The following ABCA7 variants were observed in gnomAD, a reference collection of about 807,000 sequenced individuals.
ABCA7 encodes phospholipid-transporting ATPase ABCA7.
A neutral mutation model predicts 227.6 loss-of-function variants in ABCA7; 261 were observed. That is an observed-to-expected ratio of 1.15 (90% CI 1.04 to 1.27). ABCA7 has a LOEUF of 1.27. Among genes scored for constraint, ABCA7 ranks in the 50% most tolerant of loss-of-function variants. The probability of loss-of-function intolerance (pLI) is 0.00; values close to 1 mark genes in which losing one functional copy is unlikely to be tolerated. For missense variants in ABCA7, 3,331 were observed against 2,924.5 expected, an observed-to-expected ratio of 1.14 and a Z score of -3.21; for synonymous variants, 1,488 against 1,279.7, an observed-to-expected ratio of 1.16 and a Z score of -3.47.
chr19:1,065,275 C>T lies in ABCA7; in HGVS notation c.6291C>T (p.Phe2097=), dbSNP rs1362097116. ...SVSQTMLEEV[F]LYFSKDQGKD... ...TCTGGGCTGCCCACCGCTAGGTATTCTTGTACTTCTCCAAGGACCAGGGGA... is the reference window on the plus strand; with the variant it reads ...TCTGGGCTGCCCACCGCTAGGTATTTTTGTACTTCTCCAAGGACCAGGGGA... The change falls in exon 47 of 47, where the codon TTC becomes TTT. Residue 2097 remains phenylalanine, a synonymous_variant. Coordinates refer to ENST00000263094, the MANE Select transcript of ABCA7 (RefSeq NM_019112.4). 6.2e-7 allele frequency: 1 copy of T among 1,613,090 alleles called. No individual in the cohort carries two copies.
Position 1,056,293 on chromosome 19 carries a change from C to T in ABCA7, c.4417-37C>T. 1 of 1,605,432 alleles carries T rather than the reference C, an allele frequency of 6.2e-7. No homozygotes were observed. Among genetic ancestry groups the T allele is most frequent in the African/African-American group, 1.3e-5 (1 of 74,916 alleles). On this transcript the variant is annotated intron_variant, in intron 32 of 46. Coordinates refer to ENST00000263094, the MANE Select transcript of ABCA7 (RefSeq NM_019112.4). This position sits in a 1 kb window ranked among gnomAD's most constrained non-coding sequence, Gnocchi z 4.3. The stretch of plus-strand genomic sequence containing the variant: ...CGTCCTGTCACAGCAAGGTCCAACC[C>T]CATTGCTCTGACCCTATGACCTTGA...
Position 1,056,120 on chromosome 19 carries a change from G to A in ABCA7, c.4293G>A (p.Glu1431=). 1 of 1,609,504 alleles carries A rather than the reference G, an allele frequency of 6.2e-7. No individual in the cohort carries two copies. ...ACCCAGGCCTGCCCTCGGGCCAAGA[G>A]TTGGGCCGCTCAGTGGAGGAGTTGT... ...GRDPGLPSGQ[E]LGRSVEELWA... Residue 1431 remains glutamate, a synonymous_variant, in exon 32 of 47, where the codon GAG becomes GAA. Coordinates refer to ENST00000263094, the MANE Select transcript of ABCA7 (RefSeq NM_019112.4). The surrounding 1 kb of genome is among the most constrained non-coding windows in gnomAD (Gnocchi z 4.3).
At chr19:1,040,841 G>A (rs1329243720) in intron 1 of ABCA7, among the ~76,000 whole-genome samples, 1 of 152,150 alleles carries the variant, frequency 6.6e-6, no homozygotes, top group Non-Finnish European at 1.5e-5. Flanking sequence ...TGTAGAGTGG[G>A]GTGATAGTCC....
rs1352617999 is a variant in ABCA7, at chr19:1,047,346, G to T, written c.2035G>T (p.Asp679Tyr). ...CTACGTGCTGTGTGTGGCTTGGCGG[G>T]ACCGGCTGCCCGCGGGTGGCCGCGT... Reference protein sequence around the residue: ...LPYVLCVAWRDRLPAGGRVAA... With the variant: ...LPYVLCVAWRYRLPAGGRVAA... The change falls in exon 15 of 47, where the codon GAC (aspartate) becomes TAC (tyrosine). Residue 679 changes from aspartate to tyrosine, a missense_variant. Asp to Tyr is a radical substitution (Grantham distance 160). Transcript: ENST00000263094. The T allele has an allele frequency of 3.2e-6, 5 of 1,582,586 alleles. No individual in the cohort carries two copies. The highest frequency in any genetic ancestry group is 3.4e-6 in the Non-Finnish European group (4 of 1,169,316).
rs571841247 is a variant in ABCA7 at position 1,057,942 on chromosome 19, A to G, written c.4908A>G (p.Pro1636=). The G allele has an allele frequency of 2.5e-6, 4 of 1,614,032 alleles. No individual in the cohort carries two copies. The African/African-American group carries it at 5.3e-5, about 22-fold the overall frequency. ...GGTCGATCACACCGCTCATGTACCC[A>G]GCCTCCTTCTTCTTCTCCGTGCCCA... ...YGWSITPLMY[P]ASFFFSVPST... The change falls in exon 36 of 47, where the codon CCA becomes CCG. Residue 1636 remains proline (P), a synonymous_variant. Coordinates refer to ENST00000263094, the MANE Select transcript of ABCA7 (RefSeq NM_019112.4).
intron 21 of ABCA7, 103 bp downstream of exon 21, chr19:1,051,689 C>A: frequency 1.7e-6 from 2 of 1,205,800 alleles, no homozygotes; most frequent in South Asian, 2.8e-5. Context: ...TACATGTGGA[C>A]CCCACTTGTT....
Position 1,048,496 on chromosome 19 carries a change from C to CAAAA in ABCA7, c.2270-389_2270-386dup, listed in dbSNP as rs1234415864. The stretch of plus-strand genomic sequence containing the variant: ...GGGCAACAAGAGTGAAACTCAGTCT[C>CAAAA]AAAAAAAAAAAAACAAAAAAAAAAA... On this transcript the variant is annotated intron_variant, in intron 16 of 46. Transcript: ENST00000263094. Among the ~76,000 whole-genome samples, 30 of 21,624 alleles carry CAAAA rather than the reference C, an allele frequency of 1.4e-3. 4 individuals carry two copies. Among genetic ancestry groups the CAAAA allele is most frequent in the Non-Finnish European group, 1.7e-3 (21 of 12,470 alleles). 14.2% of individuals were successfully genotyped at this position (21,624 alleles called of 152,430 possible).
chr19:1,056,503 AGTCCCTC>A lies in ABCA7; in HGVS notation c.4586+5_4586+11del, dbSNP rs766845261. ...AGCAGCTGTCTGAGGGTGCACTGTG[AGTCCCTC>A]CACCCTGCATGTCCTACCCTGCACG... On this transcript the variant is annotated splice_donor_5th_base_variant and intron_variant, in intron 33 of 46. Coordinates refer to ENST00000263094, the MANE Select transcript of ABCA7 (RefSeq NM_019112.4). The surrounding 1 kb of genome is among the most constrained non-coding windows in gnomAD (Gnocchi z 4.3). 6.2e-7 allele frequency: 1 copy of A among 1,610,546 alleles called. No homozygotes were observed. Among genetic ancestry groups the A allele is most frequent in the Non-Finnish European group, 8.5e-7 (1 of 1,178,678 alleles).
rs990791681 is a variant in ABCA7 at position 1,054,997 on chromosome 19, G to A, written c.3951-100G>A. On this transcript the variant is annotated intron_variant, in intron 29 of 46. Coordinates refer to ENST00000263094, the MANE Select transcript of ABCA7 (RefSeq NM_019112.4). The surrounding 1 kb of genome is among the most constrained non-coding windows in gnomAD (Gnocchi z 4.8). ...ATCCCCTGTGCCCACCTGGGAGCTG[G>A]GAGCCTCTGTGGCTCCAGGAACCCC... 5.2e-6 allele frequency: 8 copies of A among 1,531,304 alleles called. No homozygotes were observed. The highest frequency in any genetic ancestry group is 4.1e-5 in the African/African-American group (3 of 72,502). 94.9% of individuals were successfully genotyped at this position (1,531,304 alleles called of 1,614,324 possible). A position where few individuals can be genotyped will look rare whatever the true frequency, so the allele number is the denominator to read the frequency against.
Position 1,054,681 on chromosome 19 carries a change from G to A in ABCA7, c.3838G>A (p.Val1280Met), listed in dbSNP as rs1020129096. The part of the protein sequence containing the change: ...RLSPTMYGAQ[V>M]SFFSEDAPGD... ...CAGTCCCACCATGTACGGTGCTCAG[G>A]TGTCCTTCTTCAGGTGGGTGCAGAA... The change falls in exon 28 of 47, where the codon GTG becomes ATG. Residue 1280 changes from valine (V) to methionine (M), a missense_variant. Transcript: ENST00000263094. This position sits in a 1 kb window ranked among gnomAD's most constrained non-coding sequence, Gnocchi z 4.8. The A allele has an allele frequency of 6.2e-7, 1 of 1,612,990 alleles. No homozygotes were observed. Among genetic ancestry groups the A allele is most frequent in the Non-Finnish European group, 8.5e-7 (1 of 1,179,590 alleles).
chr19:1,045,231 G>A lies in ABCA7; in HGVS notation c.1445G>A (p.Arg482Lys), dbSNP rs1435970387. The part of the protein sequence containing the change: ...VVTRTNKIRD[R>K]FWDPGPAADP... Reference sequence around the variant, plus strand: ...ACGAGGACCAATAAGATCAGGGACAGGTCAGGCGAGGGAGGGGGCGGGGGG... The same window carrying A: ...ACGAGGACCAATAAGATCAGGGACAAGTCAGGCGAGGGAGGGGGCGGGGGG... Residue 482 changes from arginine (R) to lysine (K), a missense_variant and splice_region_variant, in exon 12 of 47, where the codon AGG (arginine) becomes AAG (lysine). Physicochemically the swap from Arg to Lys is conservative, Grantham distance 26. Transcript: ENST00000263094. 6 of 1,609,050 alleles carry A rather than the reference G, an allele frequency of 3.7e-6. No homozygotes were observed. Among genetic ancestry groups the A allele is most frequent in the African/African-American group, 2.7e-5 (2 of 74,902 alleles).
intron 35 of ABCA7, among the ~76,000 whole-genome samples, 160 bp from the exon 36 acceptor site, chr19:1,057,751 AAGAG>A (rs973451110): frequency 6.6e-6 from 1 of 151,642 alleles, no homozygotes; most frequent in Non-Finnish European, 1.5e-5. Flanking sequence ...AAAAGAAAGA[AAGAG>A]AGAGAAAGAG....
intron 44 of ABCA7, 54 bp from the exon 45 acceptor site, chr19:1,064,107 G>T: frequency 6.7e-7 from 1 of 1,492,582 alleles, no homozygotes; most frequent in Non-Finnish European, 9.0e-7. Flanking sequence ...GCAGTGTGGC[G>T]CCAGGCACAG....
chr19:1,064,338 G>T, intron 45 of ABCA7, 85 bp downstream of exon 45: 1 of 1,389,124 alleles, frequency 7.2e-7, no homozygotes. Flanking sequence ...GTAGAGCCGG[G>T]TGAGGAAAGT....
chr19:1,064,054 G>A, intron 44 of ABCA7, 107 bp from the exon 45 acceptor site: 1 of 1,355,272 alleles, frequency 7.4e-7, no homozygotes. Context: ...GAAGAGTGGG[G>A]AGATGTCCAC....
intron 21 of ABCA7, 146 bp downstream of exon 21, chr19:1,051,732 C>A (rs144071369): frequency 1.9e-6 from 2 of 1,056,878 alleles, no homozygotes; most frequent in Non-Finnish European, 1.3e-6. Context: ...GCTCAAATAC[C>A]GAGACAGTAA....
chr19:1,058,468 C>T, intron 37 of ABCA7, 150 bp from the exon 38 acceptor site: 1 of 1,423,500 alleles, frequency 7.0e-7, no homozygotes, highest in Non-Finnish European at 9.4e-7. Context: ...TCACAAGAGG[C>T]CTCTTCTGTT....
Position 1,049,219 on chromosome 19 carries a change from C to A in ABCA7, c.2381-47C>A. On this transcript the variant is annotated intron_variant, in intron 17 of 46. Coordinates refer to ENST00000263094, the MANE Select transcript of ABCA7 (RefSeq NM_019112.4). ...CCCAGCTCTGAGGGACTTGCAGGCC[C>A]CAGGACCCCCATGACCTCCATGGCT... 1.9e-6 allele frequency: 3 copies of A among 1,549,480 alleles called. No homozygotes were observed. The South Asian group carries it at 3.6e-5, about 19-fold the overall frequency.
chr19:1,059,455 C>T (rs778928592), intron 40 of ABCA7, among the ~76,000 whole-genome samples: 27 of 149,856 alleles, frequency 1.8e-4, no homozygotes, highest in Non-Finnish European at 2.7e-4. Context: ...TTAGCAGAGA[C>T]GGGGTTTCAC....
Sources: allele counts gnomAD v4.1 joint callset (sites outside exome capture counted in the v4.1 genomes callset), GRCh38; gene constraint gnomAD v4.1.1; non-coding constraint Gnocchi (gnomAD v3.1); transcripts MANE v1.5; gene names NCBI Gene and HGNC (gene_info 2026-07-23, HGNC 2026-07-21).